The following PANK4 variants were observed in gnomAD, a reference collection of about 807,000 sequenced individuals.
PANK4 encodes pantothenate kinase 4 (inactive).
Under a neutral mutation model 87.9 loss-of-function variants are expected in PANK4, and 40 were observed. That is an observed-to-expected ratio of 0.46 (90% CI 0.35 to 0.59). The LOEUF (loss-of-function observed/expected upper bound fraction) is 0.59. PANK4 is among the 20% of genes least tolerant of loss of function. The pLI is 0.00. For synonymous variants in PANK4, 524 were observed against 467.4 expected, an observed-to-expected ratio of 1.12 and a Z score of -1.56; for missense variants, 926 against 1,072.3, an observed-to-expected ratio of 0.86 and a Z score of 1.90.
Position 2,508,708 on chromosome 1 carries a change from C to T in PANK4, c.*139G>A, listed in dbSNP as rs1028312462. ...AGCTGCGTCTCGCCTCTGGGTCACA[C>T]GCATCTGTGCGGCTGGGGTGTATGT... On this transcript the variant is annotated 3_prime_UTR_variant, in exon 19 of 19. Coordinates refer to ENST00000378466, the MANE Select transcript of PANK4 (RefSeq NM_018216.4). The surrounding 1 kb of genome is among the most constrained non-coding windows in gnomAD (Gnocchi z 5.1). The T allele has an allele frequency of 1.6e-5, 10 of 618,772 alleles. No homozygotes were observed. The highest frequency in any genetic ancestry group is 7.4e-5 in the African/African-American group (4 of 54,418). 38.3% of individuals were successfully genotyped at this position (618,772 alleles called of 1,614,324 possible). A position where few individuals can be genotyped will look rare whatever the true frequency, so the allele number is the denominator to read the frequency against.
intron 9 of PANK4, among the ~76,000 whole-genome samples, chr1:2,516,319 C>T (rs1643775503): frequency 6.6e-6 from 1 of 152,198 alleles, no homozygotes. Context: ...AGGACTATGG[C>T]AGGGCCAGGC....
chr1:2,525,756 G>A (rs919587532), intron 1 of PANK4: 7 of 152,352 alleles, frequency 4.6e-5, no homozygotes, highest in Non-Finnish European at 8.8e-5. Flanking sequence ...CCATCAGGCA[G>A]GAGGGTCTGC....
At position 2,514,798 on chromosome 1, in the gene PANK4, G is replaced by A. The variant is rs559517573; in HGVS notation, c.1375-332C>T. 1.7e-4 allele frequency among the ~76,000 whole-genome samples: 26 copies of A among 152,138 alleles called. No individual in the cohort carries two copies. In the South Asian group the frequency reaches 3.9e-3, roughly 23 times the overall value. On this transcript the variant is annotated intron_variant, in intron 10 of 18. Transcript: ENST00000378466. ...TGACGGTGACAGTTCACGGTCACCC[G>A]AGGCTTCCCTTTGCCATTCGCCCCT... is the stretch of plus-strand genomic sequence containing the variant.
rs1348408587 is a variant in PANK4, at chr1:2,526,482, G to A, written c.106C>T (p.Arg36Cys). The A allele has an allele frequency of 5.1e-6, 8 of 1,572,246 alleles. No homozygotes were observed. The highest frequency in any genetic ancestry group is 6.9e-6 in the Non-Finnish European group (8 of 1,161,688). Residue 36 changes from arginine (R) to cysteine (C), a missense_variant, in exon 1 of 19, where the codon CGC (arginine) becomes TGC (cysteine). Arg to Cys is a radical substitution (Grantham distance 180, BLOSUM62 -3). Coordinates refer to ENST00000378466, the MANE Select transcript of PANK4 (RefSeq NM_018216.4). ...EIFRNLENAK[R>C]FAIDIGGSLT... ...CGGCTACCTATGTCGATGGCGAAGC[G>A]CTTGGCGTTCTCCAGGTTGCGGAAG...
intron 12 of PANK4, among the ~76,000 whole-genome samples, chr1:2,513,314 G>A (rs1189555409): frequency 6.6e-6 from 1 of 152,246 alleles, no homozygotes; most frequent in Non-Finnish European, 1.5e-5. Context: ...GCCCCCACAG[G>A]TACCCACAGC....
At chr1:2,523,064 G>C (rs935528119) in intron 1 of PANK4, among the ~76,000 whole-genome samples, 3 of 151,810 alleles carry the variant, frequency 2.0e-5, no homozygotes, top group Non-Finnish European at 4.4e-5. Context: ...TGAGAGTAAT[G>C]AGGCTAAAGT....
chr1:2,521,779 G>A lies in PANK4; in HGVS notation c.146C>T (p.Ala49Val), dbSNP rs1200186128. The change falls in exon 2 of 19, where the codon GCC becomes GTC. Residue 49 changes from alanine (A) to valine (V), a missense_variant. Coordinates refer to ENST00000378466, the MANE Select transcript of PANK4 (RefSeq NM_018216.4). Reference protein sequence around the residue: ...IDIGGSLTKLAYYSTVQHKVA... With the variant: ...IDIGGSLTKLVYYSTVQHKVA... ...TTTGTGCTGTACCGTTGAATAGTAGGCCAGCTTGGTTAACGACCCGCCTGC... is the reference window on the plus strand; with the variant it reads ...TTTGTGCTGTACCGTTGAATAGTAGACCAGCTTGGTTAACGACCCGCCTGC... 1 of 1,613,842 alleles carries A rather than the reference G, an allele frequency of 6.2e-7. No individual in the cohort carries two copies. Among genetic ancestry groups the A allele is most frequent in the Non-Finnish European group, 8.5e-7 (1 of 1,179,948 alleles).
intron 1 of PANK4, among the ~76,000 whole-genome samples, chr1:2,522,396 G>A (rs113899611): frequency 5.9e-5 from 9 of 152,254 alleles, no homozygotes; most frequent in African/African-American, 2.2e-4. Flanking sequence ...ACCAAAGTCC[G>A]TTTCCCCACA....
chr1:2,510,585 C>A lies in PANK4; in HGVS notation c.1938+93G>T, dbSNP rs1643644602. The A allele has an allele frequency of 5.2e-6, 4 of 771,416 alleles. No homozygotes were observed. The highest frequency in any genetic ancestry group is 4.5e-6 in the Non-Finnish European group (2 of 444,158). 47.8% of individuals were successfully genotyped at this position (771,416 alleles called of 1,614,324 possible). ...CACCTACCTGCTGCGTCCGGAGGAG[C>A]CCCGACCACCGCCAGAGGCCCACAG... On this transcript the variant is annotated intron_variant, in intron 16 of 18. Coordinates refer to ENST00000378466, the MANE Select transcript of PANK4 (RefSeq NM_018216.4). The surrounding 1 kb of genome is among the most constrained non-coding windows in gnomAD (Gnocchi z 4.9).
rs1276378086 is a variant in PANK4 at position 2,520,746 on chromosome 1, C to A, written c.583G>T (p.Gly195Cys). Residue 195 changes from glycine to cysteine, a missense_variant, in exon 4 of 19, where the codon GGC (glycine) becomes TGC (cysteine). By Grantham distance (159) the Gly-to-Cys change is radical (BLOSUM62 -3). Coordinates refer to ENST00000378466, the MANE Select transcript of PANK4 (RefSeq NM_018216.4). The surrounding 1 kb of genome is among the most constrained non-coding windows in gnomAD (Gnocchi z 6.2). ...ACCTTCACGATGGAGACTCCAGAGC[C>A]GATATTGACAAGAAGATAGGGGAAA... The part of the protein sequence containing the change: ...HIFPYLLVNI[G>C]SGVSIVKVET... 6.2e-7 allele frequency: 1 copy of A among 1,613,310 alleles called. No individual in the cohort carries two copies.
intron 11 of PANK4, 118 bp from the exon 12 acceptor site, chr1:2,514,207 G>T: frequency 8.8e-7 from 1 of 1,142,430 alleles, no homozygotes; most frequent in Non-Finnish European, 1.3e-6. Flanking sequence ...GCTGCTTGAG[G>T]CGGGGTCCAA....
At chr1:2,523,047 C>T (rs1342244405) in intron 1 of PANK4, among the ~76,000 whole-genome samples, 6 of 151,636 alleles carry the variant, frequency 4.0e-5, no homozygotes, top group African/African-American at 1.5e-4. Flanking sequence ...GCAAAAATCC[C>T]ACATCATGAG....
Position 2,510,174 on chromosome 1 carries a change from C to A in PANK4, c.1939-17G>T, listed in dbSNP as rs772790449. 9.8e-6 allele frequency: 15 copies of A among 1,534,362 alleles called. No individual in the cohort carries two copies. In the Admixed American group the frequency reaches 1.4e-4, roughly 14 times the overall value. On this transcript the variant is annotated splice_polypyrimidine_tract_variant and intron_variant, in intron 16 of 18. Coordinates refer to ENST00000378466, the MANE Select transcript of PANK4 (RefSeq NM_018216.4). This position sits in a 1 kb window ranked among gnomAD's most constrained non-coding sequence, Gnocchi z 4.9. ...CAGGATGACCTGCAGGAGGAGGGCC[C>A]AGGCTCTTTAGGAACCTGTGCTGGC...
At chr1:2,522,959 A>C (rs1300320385) in intron 1 of PANK4, among the ~76,000 whole-genome samples, 1 of 151,522 alleles carries the variant, frequency 6.6e-6, no homozygotes, top group Non-Finnish European at 1.5e-5. Flanking sequence ...GTGGTGTTAT[A>C]GTGACTTAAC....
Position 2,512,974 on chromosome 1 carries a change from C to A in PANK4, c.1641G>T (p.Ala547=), listed in dbSNP as rs761976235. 6.2e-7 allele frequency: 1 copy of A among 1,612,384 alleles called. No individual in the cohort carries two copies. The highest frequency in any genetic ancestry group is 2.2e-5 in the East Asian group (1 of 44,874). Residue 547 remains alanine, a synonymous_variant, in exon 13 of 19, where the codon GCG becomes GCT. Coordinates refer to ENST00000378466, the MANE Select transcript of PANK4 (RefSeq NM_018216.4). ...CFPGVVRSLD[A]LGWEERQLAL... is the part of the protein sequence containing the mutation. ...CCAGCTGCCGTTCCTCCCAGCCCAG[C>A]GCGTCCAGGGAGCGCACGACCCCGG...
rs150859029 is a variant in PANK4 at position 2,518,180 on chromosome 1, C to T, written c.1202G>A (p.Arg401Gln). 153 of 1,607,652 alleles carry T rather than the reference C, an allele frequency of 9.5e-5. No individual in the cohort carries two copies. In the African/African-American group the frequency reaches 1.2e-3, roughly 12 times the overall value. ...ACTACTCACAGTGCCACTCCGCGCC[C>T]GCTGCGCCGGGCCGAGCTCGGGTGA... ...SASPELGPAQ[R>Q]ARSGTFDLLE... is the part of the protein sequence containing the mutation. The change falls in exon 9 of 19, where the codon CGG becomes CAG. Residue 401 changes from arginine (R) to glutamine (Q), a missense_variant. By Grantham distance (43) the Arg-to-Gln change is conservative (BLOSUM62 1). Transcript: ENST00000378466.
chr1:2,508,927 T>C lies in PANK4; in HGVS notation c.2242A>G (p.Ile748Val), dbSNP rs1643613784. ...CGCTCGGCCAGCCACGCGTTCTTGA[T>C]GACGGCCAGCTTGAGGCTCTCGCAG... ...LRCESLKLAVIKNAWLAERLG... is the reference protein window; with the variant it reads ...LRCESLKLAVVKNAWLAERLG... The change falls in exon 19 of 19, where the codon ATC (isoleucine) becomes GTC (valine). Residue 748 changes from isoleucine to valine, a missense_variant. Physicochemically the swap from Ile to Val is conservative, Grantham distance 29. Coordinates refer to ENST00000378466, the MANE Select transcript of PANK4 (RefSeq NM_018216.4). The surrounding 1 kb of genome is among the most constrained non-coding windows in gnomAD (Gnocchi z 5.1). The C allele has an allele frequency of 1.2e-6, 2 of 1,610,910 alleles. No homozygotes were observed. Among genetic ancestry groups the C allele is most frequent in the East Asian group, 2.2e-5 (1 of 44,784 alleles).
At position 2,520,248 on chromosome 1, in the gene PANK4, A is replaced by C; in HGVS notation, c.699+74T>G. 7.1e-7 allele frequency: 1 copy of C among 1,411,950 alleles called. No individual in the cohort carries two copies. The highest frequency in any genetic ancestry group is 1.0e-6 in the Non-Finnish European group (1 of 999,146). The allele number at this position is 1,411,950 out of a possible 1,614,324, so 87.5% of individuals were successfully genotyped here. The stretch of plus-strand genomic sequence containing the variant: ...CCCGGAAGCAGCTTTTGCACCGCCC[A>C]GCTGCAGGCCTTCGGGGGAAGGAAG... On this transcript the variant is annotated intron_variant, in intron 5 of 18. Coordinates refer to ENST00000378466, the MANE Select transcript of PANK4 (RefSeq NM_018216.4). The surrounding 1 kb of genome is among the most constrained non-coding windows in gnomAD (Gnocchi z 6.2).
chr1:2,520,487 T>G lies in PANK4; in HGVS notation c.607-73A>C. 3.9e-6 allele frequency: 3 copies of G among 764,026 alleles called. No homozygotes were observed. Among genetic ancestry groups the G allele is most frequent in the Non-Finnish European group, 5.3e-6 (3 of 566,798 alleles). The allele number at this position is 764,026 out of a possible 1,614,324, so 47.3% of individuals were successfully genotyped here. The stretch of plus-strand genomic sequence containing the variant: ...ACAGGCTCCCCCGCCCCCCGCCCCA[T>G]GTGCTGCGCTGGGGTGAACCCCGCC... On this transcript the variant is annotated intron_variant, in intron 4 of 18. Coordinates refer to ENST00000378466, the MANE Select transcript of PANK4 (RefSeq NM_018216.4). The surrounding 1 kb of genome is among the most constrained non-coding windows in gnomAD (Gnocchi z 6.2).
Sources: allele counts gnomAD v4.1 joint callset (sites outside exome capture counted in the v4.1 genomes callset), GRCh38; gene constraint gnomAD v4.1.1; non-coding constraint Gnocchi (gnomAD v3.1); transcripts MANE v1.5; gene names NCBI Gene and HGNC (gene_info 2026-07-23, HGNC 2026-07-21).